The following FHDC1 variants were observed in gnomAD, a reference collection of about 807,000 sequenced individuals.
FHDC1 encodes FH2 domain containing 1.
In FHDC1, 25 loss-of-function variants were observed where a neutral mutation model predicts 52.6. That is an observed-to-expected ratio of 0.48 (90% CI 0.35 to 0.66). The LOEUF (loss-of-function observed/expected upper bound fraction) is 0.66. Ranked by LOEUF, FHDC1 falls within the 30% of genes least tolerant of loss-of-function variation. The pLI, the probability that FHDC1 is intolerant of heterozygous loss-of-function variation, is 0.01. For synonymous variants in FHDC1, 616 were observed against 581.5 expected (o/e 1.06, Z -0.85); for missense variants, 1,459 against 1,452.8 (o/e 1.00, Z -0.07).
chr4:152,970,096 C>T (rs1326500159), intron 10 of FHDC1, among the ~76,000 whole-genome samples: 7 of 152,184 alleles, frequency 4.6e-5, no homozygotes, highest in Admixed American at 2.0e-4. Flanking sequence ...GGTCTCTGAA[C>T]ACCAGTCTGA....
chr4:152,943,639 T>C, intron 2 of FHDC1, 84 bp downstream of exon 2: 3 of 1,435,516 alleles, frequency 2.1e-6, no homozygotes, highest in Non-Finnish European at 2.8e-6. Flanking sequence ...AAATAATTGC[T>C]AGACACCCCT....
chr4:152,927,592 T>A, the FHDC1 span: 2 of 1,605,234 alleles, frequency 1.2e-6, no homozygotes, highest in Non-Finnish European at 1.7e-6. Context: ...AGGAGGTTTA[T>A]GACCCTCGAT....
rs757235465 is a variant in FHDC1 at position 152,972,367 on chromosome 4, T to C, written c.1219-10T>C. ...TTTACCTCAGTGTGTGTTCGTTTGTTTTTCCGCAGTTTGCCATAGAAAAGC... is the reference window on the plus strand; with the variant it reads ...TTTACCTCAGTGTGTGTTCGTTTGTCTTTCCGCAGTTTGCCATAGAAAAGC... On this transcript the variant is annotated splice_polypyrimidine_tract_variant and intron_variant, in intron 10 of 11. Transcript: ENST00000511601. The C allele has an allele frequency of 6.3e-7, 1 of 1,593,266 alleles. No individual in the cohort carries two copies. Among genetic ancestry groups the C allele is most frequent in the South Asian group, 1.2e-5 (1 of 86,754 alleles).
At chr4:152,938,906 C>A (rs1313005071) in intron 1 of FHDC1, among the ~76,000 whole-genome samples, 1 of 152,058 alleles carries the variant, frequency 6.6e-6, no homozygotes, top group Non-Finnish European at 1.5e-5. Context: ...ACCAGGACCA[C>A]TGGTGCAGAA....
chr4:152,971,027 A>T (rs1246048033), intron 10 of FHDC1, among the ~76,000 whole-genome samples: 1 of 152,222 alleles, frequency 6.6e-6, no homozygotes, highest in Non-Finnish European at 1.5e-5. Context: ...ATAAAGTAAC[A>T]TACTTCATTC....
At chr4:152,927,744 T>C in the FHDC1 span, 6 of 1,429,566 alleles carry the variant, frequency 4.2e-6, no homozygotes, top group East Asian at 2.3e-5. Flanking sequence ...CAGGAACTAA[T>C]AGAAAAGCAA....
chr4:152,930,072 G>C, the FHDC1 span, among the ~76,000 whole-genome samples: 22,274 of 152,214 alleles, frequency 0.15, 1,706 homozygotes, highest in Middle Eastern at 0.19. Flanking sequence ...GTGTGAAACA[G>C]ATGCCTGCAG....
the FHDC1 span, among the ~76,000 whole-genome samples, chr4:152,926,035 G>C: frequency 6.6e-6 from 1 of 152,082 alleles, no homozygotes; most frequent in Non-Finnish European, 1.5e-5. Flanking sequence ...CCAAAAGAGA[G>C]TCTGGCACCT....
At position 152,968,002 on chromosome 4, in the gene FHDC1, G is replaced by A. The variant is rs1228868552; in HGVS notation, c.1123G>A (p.Ala375Thr). ...TAGATTATCTCTGGAGAACACGGAG[G>A]CAGAACTGCACTTGCTGTTTGTCAG... Reference protein sequence around the residue: ...TARLSLENTEAELHLLFVRTK... With the variant: ...TARLSLENTETELHLLFVRTK... The change falls in exon 10 of 12, where the codon GCA becomes ACA. Residue 375 changes from alanine (A) to threonine (T), a missense_variant. By Grantham distance (58) the Ala-to-Thr change is moderately conservative. This residue lies in a region of FHDC1 where 513 missense variants were observed against 581.5 expected (regional missense o/e 0.88). Coordinates refer to ENST00000511601, the MANE Select transcript of FHDC1 (RefSeq NM_001371116.1). The A allele has an allele frequency of 6.2e-7, 1 of 1,613,408 alleles. No individual in the cohort carries two copies. Among genetic ancestry groups the A allele is most frequent in the Non-Finnish European group, 8.5e-7 (1 of 1,179,764 alleles).
At chr4:152,920,806 G>GA in the FHDC1 span, among the ~76,000 whole-genome samples, 4 of 151,468 alleles carry the variant, frequency 2.6e-5, no homozygotes, top group African/African-American at 9.7e-5. Context: ...AATACCTTAA[G>GA]AAAATTTCAT....
At chr4:152,947,582 A>T (rs887319723) in intron 2 of FHDC1, among the ~76,000 whole-genome samples, 3 of 152,202 alleles carry the variant, frequency 2.0e-5, no homozygotes, top group African/African-American at 7.2e-5. Flanking sequence ...GCTGTATCTT[A>T]GCCATTTGGT....
chr4:152,963,073 A>C lies in FHDC1; in HGVS notation c.972A>C (p.Lys324Asn), dbSNP rs1187039905. 6.2e-7 allele frequency: 1 copy of C among 1,613,910 alleles called. No homozygotes were observed. The highest frequency in any genetic ancestry group is 8.5e-7 in the Non-Finnish European group (1 of 1,180,010). ...GATTTAAACTGTCTTCTTTGCTCAAATTGGCAGACACAAAAGCAAACAAAC... is the reference window on the plus strand; with the variant it reads ...GATTTAAACTGTCTTCTTTGCTCAACTTGGCAGACACAAAAGCAAACAAAC... Reference protein sequence around the residue: ...AVGFKLSSLLKLADTKANKPG... With the variant: ...AVGFKLSSLLNLADTKANKPG... The change falls in exon 8 of 12, where the codon AAA (lysine) becomes AAC (asparagine). Residue 324 changes from lysine to asparagine, a missense_variant. By Grantham distance (94) the Lys-to-Asn change is moderately conservative (BLOSUM62 0). Around this residue, in one of 3 missense-constraint regions of FHDC1, gnomAD observed 513 missense variants for 581.5 expected, o/e 0.88. Coordinates refer to ENST00000511601, the MANE Select transcript of FHDC1 (RefSeq NM_001371116.1).
Position 152,969,066 on chromosome 4 carries a change from A to G in FHDC1, c.1218+969A>G, listed in dbSNP as rs117280953. On this transcript the variant is annotated intron_variant, in intron 10 of 11. Transcript: ENST00000511601. ...ACTCACTAATCGCATAGTCTGACAT[A>G]CTTCTTTTATCTTCCTTATTAAAAA... Among the ~76,000 whole-genome samples, 75 of 150,268 alleles carry G rather than the reference A, an allele frequency of 5.0e-4. No individual in the cohort carries two copies. The East Asian group carries it at 0.013, about 27-fold the overall frequency.
At chr4:152,921,628 T>A in the FHDC1 span, among the ~76,000 whole-genome samples, 2 of 145,190 alleles carry the variant, frequency 1.4e-5, no homozygotes, top group Non-Finnish European at 3.0e-5. Flanking sequence ...CTTTTTCCCT[T>A]CCTTCCTTTT....
At chr4:152,963,582 AGG>A (rs148726851) in intron 8 of FHDC1, among the ~76,000 whole-genome samples, 9,819 of 151,988 alleles carry the variant, frequency 0.065, 334 homozygotes, top group Non-Finnish European at 0.081. Flanking sequence ...GTGAGCGTTG[AGG>A]GGGAGGGTAA....
In FHDC1 at chr4:152,947,228, AAAAG is replaced by A. The variant is rs1264313879; in HGVS notation, c.498+3677_498+3680del. On this transcript the variant is annotated intron_variant, in intron 2 of 11. Transcript: ENST00000511601. ...AGCAAGACTGTCTCAAAAAAAAAAAAAAAGAAAAAAAGACATTTAGTATGGGAAG... is the reference window on the plus strand; with the variant it reads ...AGCAAGACTGTCTCAAAAAAAAAAAAAAAAAAAGACATTTAGTATGGGAAG... Among the ~76,000 whole-genome samples the A allele has an allele frequency of 6.6e-5, 10 of 152,150 alleles. No individual in the cohort carries two copies. In the South Asian group the frequency reaches 1.7e-3, roughly 25 times the overall value.
chr4:152,975,213 G>A lies in FHDC1; in HGVS notation c.1922G>A (p.Gly641Asp). 3 of 1,613,296 alleles carry A rather than the reference G, an allele frequency of 1.9e-6. No homozygotes were observed. The highest frequency in any genetic ancestry group is 2.5e-6 in the Non-Finnish European group (3 of 1,180,018). The change falls in exon 12 of 12, where the codon GGC (glycine) becomes GAC (aspartate). Residue 641 changes from glycine to aspartate, a missense_variant. By Grantham distance (94) the Gly-to-Asp change is moderately conservative (BLOSUM62 -1). Transcript: ENST00000511601. ...GCCTTCCCCAGAGCTCGGCGCCAGG[G>A]CGTCAGTGTCCTCCGAAAGAGGTAC... is the stretch of plus-strand genomic sequence containing the variant. Reference protein sequence around the residue: ...ASAFPRARRQGVSVLRKRYSE... With the variant: ...ASAFPRARRQDVSVLRKRYSE...
At chr4:152,933,178 C>T (rs1002741797), upstream of FHDC1, among the ~76,000 whole-genome samples, 17 of 152,222 alleles carry the variant, frequency 1.1e-4, no homozygotes, top group African/African-American at 3.6e-4. Flanking sequence ...GCAGCAGCGC[C>T]ACCTCCAAGC....
At position 152,943,195 on chromosome 4, in the gene FHDC1, A is replaced by G. The variant is rs748138962; in HGVS notation, c.138A>G (p.Pro46=). The stretch of plus-strand genomic sequence containing the variant: ...CTCCTCCACCCCCTCCATCTCCACC[A>G]TGTTCATGTTCAAGGGAAGAGTGTC... ...PPPPPPPPSP[P]CSCSREECPS... The change falls in exon 2 of 12, where the codon CCA becomes CCG. Residue 46 remains proline, a synonymous_variant. Transcript: ENST00000511601. The G allele has an allele frequency of 1.9e-6, 3 of 1,570,308 alleles. No homozygotes were observed. Among genetic ancestry groups the G allele is most frequent in the Non-Finnish European group, 1.7e-6 (2 of 1,156,984 alleles).
Sources: allele counts gnomAD v4.1 joint callset (sites outside exome capture counted in the v4.1 genomes callset), GRCh38; gene constraint gnomAD v4.1.1; regional missense constraint gnomAD v4.1.1; transcripts MANE v1.5; gene names NCBI Gene and HGNC (gene_info 2026-07-23, HGNC 2026-07-21).